The following KDM3A variants were observed in gnomAD, a reference collection of about 807,000 sequenced individuals.
KDM3A encodes lysine-specific demethylase 3A.
A neutral mutation model predicts 158.0 loss-of-function variants in KDM3A; 60 were observed. That is an observed-to-expected ratio of 0.38 (90% CI 0.31 to 0.47). The LOEUF (loss-of-function observed/expected upper bound fraction) is 0.47, where lower values mean the gene tolerates loss of function less well. Ranked by LOEUF, KDM3A falls within the 20% of genes least tolerant of loss-of-function variation. The pLI, the probability that KDM3A is intolerant of heterozygous loss-of-function variation, is 0.99. For synonymous variants in KDM3A, 608 were observed against 549.3 expected (o/e 1.11, Z -1.49); for missense variants, 1,319 against 1,574.3 (o/e 0.84, Z 2.74).
chr2:86,482,102 G>T lies in KDM3A; in HGVS notation c.2685G>T (p.Lys895Asn). The change falls in exon 17 of 26, where the codon AAG becomes AAT. Residue 895 changes from lysine (K) to asparagine (N), a missense_variant and splice_region_variant. Around this residue, in one of 4 missense-constraint regions of KDM3A, gnomAD observed 368 missense variants for 415.8 expected, o/e 0.89. Coordinates refer to ENST00000312912, the MANE Select transcript of KDM3A (RefSeq NM_018433.6). ...LRNLLNSSTG[K>N]TENGLKNTPK... ...ATCTCTTGAATTCTTCTACAGGAAAGGTATGTGTTTGTTTGTTGGTATTCC... is the reference window on the plus strand; with the variant it reads ...ATCTCTTGAATTCTTCTACAGGAAATGTATGTGTTTGTTTGTTGGTATTCC... The T allele has an allele frequency of 6.2e-7, 1 of 1,612,718 alleles. No individual in the cohort carries two copies. Among genetic ancestry groups the T allele is most frequent in the Non-Finnish European group, 8.5e-7 (1 of 1,179,280 alleles).
At chr2:86,478,794 A>G in intron 15 of KDM3A, 59 bp downstream of exon 15, 1 of 1,547,340 alleles carries the variant, frequency 6.5e-7, no homozygotes, top group East Asian at 2.2e-5. Flanking sequence ...TCTGTTTTTC[A>G]AATAACCCAA....
At chr2:86,462,513 GATTAGGAAACTCAAAAA>G (rs1021952239) in intron 8 of KDM3A, among the ~76,000 whole-genome samples, 22 of 152,200 alleles carry the variant, frequency 1.4e-4, no homozygotes, top group Admixed American at 1.3e-3. Flanking sequence ...TCATTTAAAG[GATTAGGAAACTCAAAAA>G]ACACCCAAAA....
Position 86,492,179 on chromosome 2 carries a change from C to T in KDM3A, c.*60C>T. On this transcript the variant is annotated 3_prime_UTR_variant, in exon 26 of 26. Transcript: ENST00000312912. The stretch of plus-strand genomic sequence containing the variant: ...TGTTCAAACTCTTCAGGCAGGATTC[C>T]TGTGGACTTTGAGATTCATGTTACC... 1 of 1,276,750 alleles carries T rather than the reference C, an allele frequency of 7.8e-7. No individual in the cohort carries two copies. The highest frequency in any genetic ancestry group is 1.1e-6 in the Non-Finnish European group (1 of 881,180). 79.1% of individuals were successfully genotyped at this position (1,276,750 alleles called of 1,614,324 possible).
chr2:86,491,457 C>T, intron 25 of KDM3A, 182 bp downstream of exon 25: 1 of 613,158 alleles, frequency 1.6e-6, no homozygotes, highest in South Asian at 2.1e-5. Flanking sequence ...AAGAGGAAAT[C>T]TCACCTTGGT....
At chr2:86,437,056 T>C (rs1396514012), upstream of KDM3A, among the ~76,000 whole-genome samples, 2 of 152,204 alleles carry the variant, frequency 1.3e-5, no homozygotes, top group African/African-American at 4.8e-5. Flanking sequence ...AAATATTTTA[T>C]TGGATTTTAA....
chr2:86,455,253 GT>G, intron 5 of KDM3A, 66 bp downstream of exon 5: 1 of 857,956 alleles, frequency 1.2e-6, no homozygotes, highest in Non-Finnish European at 1.8e-6. Flanking sequence ...AGAAACTAGG[GT>G]TTAGCCTCTC....
intron 10 of KDM3A, among the ~76,000 whole-genome samples, chr2:86,468,629 C>T (rs79250661): frequency 0.031 from 4,763 of 151,882 alleles, 129 homozygotes; most frequent in East Asian, 0.062. Context: ...AGAGTGTGAT[C>T]AGAAGCCTAC....
intron 2 of KDM3A, 111 bp downstream of exon 2, chr2:86,442,344 A>G: frequency 9.7e-7 from 1 of 1,032,794 alleles, no homozygotes; most frequent in Non-Finnish European, 1.4e-6. Flanking sequence ...AAGTTGGCAT[A>G]TGATCTGAAG....
rs74676335 is a variant in KDM3A, at chr2:86,478,504, T to A, written c.2189-104T>A. On this transcript the variant is annotated intron_variant, in intron 14 of 25. Coordinates refer to ENST00000312912, the MANE Select transcript of KDM3A (RefSeq NM_018433.6). ...CTGGAGCAGGATGAAAAGGAGGGAG[T>A]GGGAAAAGTAATCCTGTGGGGAATG... The A allele has an allele frequency of 2.7e-3, 3,505 of 1,301,412 alleles. 117 individuals carry two copies. In the East Asian group the frequency reaches 0.068, roughly 25 times the overall value. 80.6% of individuals were successfully genotyped at this position (1,301,412 alleles called of 1,614,324 possible).
chr2:86,466,613 T>C lies in KDM3A; in HGVS notation c.1249T>C (p.Cys417Arg), dbSNP rs1673162776. Residue 417 changes from cysteine to arginine, a missense_variant, in exon 10 of 26, where the codon TGC becomes CGC. Around this residue, in one of 4 missense-constraint regions of KDM3A, gnomAD observed 652 missense variants for 627.2 expected, o/e 1.04. Coordinates refer to ENST00000312912, the MANE Select transcript of KDM3A (RefSeq NM_018433.6). ...AGCATTGACTGGCCTTCCTAAGGAG[T>C]GCTTACCTACAAAGGCTTCTTCTAA... ...PQALTGLPKE[C>R]LPTKASSKAE... 3 of 1,613,816 alleles carry C rather than the reference T, an allele frequency of 1.9e-6. No homozygotes were observed. Among genetic ancestry groups the C allele is most frequent in the Non-Finnish European group, 2.5e-6 (3 of 1,179,876 alleles).
upstream of KDM3A, among the ~76,000 whole-genome samples, chr2:86,438,666 TTTATAAAAAATTAGA>T (rs1194790187): frequency 2.0e-5 from 3 of 152,164 alleles, no homozygotes; most frequent in African/African-American, 7.2e-5. Flanking sequence ...AAAAAGTGTA[TTTATAAAAAATTAGA>T]ATTACAAATA....
At chr2:86,459,562 A>T (rs142575369) in intron 8 of KDM3A, among the ~76,000 whole-genome samples, 10 of 152,218 alleles carry the variant, frequency 6.6e-5, no homozygotes, top group African/African-American at 2.2e-4. Context: ...GGAGCGATCA[A>T]TCTGGGGTGC....
At chr2:86,473,933 C>T (rs998539463) in intron 11 of KDM3A, among the ~76,000 whole-genome samples, 15 of 152,174 alleles carry the variant, frequency 9.9e-5, no homozygotes, top group Non-Finnish European at 1.6e-4. Flanking sequence ...TGGACGGTAA[C>T]GTGCAGCTGG....
intron 7 of KDM3A, 37 bp downstream of exon 7, chr2:86,456,914 CCTT>C (rs770810256): frequency 2.5e-6 from 4 of 1,573,130 alleles, no homozygotes; most frequent in South Asian, 1.1e-5. Context: ...TCTCCTTCCT[CCTT>C]TCCTCCGTTC....
At chr2:86,457,747 A>G (rs891354556) in intron 8 of KDM3A, among the ~76,000 whole-genome samples, 2 of 152,146 alleles carry the variant, frequency 1.3e-5, no homozygotes, top group Non-Finnish European at 2.9e-5. Context: ...TCTCAATAAT[A>G]AGGAATTTAA....
Position 86,464,121 on chromosome 2 carries a change from T to C in KDM3A, c.912T>C (p.Cys304=), listed in dbSNP as rs770816854. The C allele has an allele frequency of 6.2e-7, 1 of 1,612,772 alleles. No individual in the cohort carries two copies. Among genetic ancestry groups the C allele is most frequent in the Admixed American group, 1.7e-5 (1 of 59,932 alleles). The change falls in exon 9 of 26, where the codon TGT becomes TGC. Residue 304 remains cysteine (C), a synonymous_variant. Coordinates refer to ENST00000312912, the MANE Select transcript of KDM3A (RefSeq NM_018433.6). The part of the protein sequence containing the change: ...TTVFKEILLG[C]TAATPPSKDP... Reference sequence around the variant, plus strand: ...TTTTTAAGGAGATACTGCTTGGCTGTACTGCGGCAACTCCACCTAGTAAGG... The same window carrying C: ...TTTTTAAGGAGATACTGCTTGGCTGCACTGCGGCAACTCCACCTAGTAAGG...
At position 86,466,867 on chromosome 2, in the gene KDM3A, C is replaced by G. The variant is rs768521539; in HGVS notation, c.1503C>G (p.Asn501Lys). The G allele has an allele frequency of 6.2e-7, 1 of 1,600,614 alleles. No homozygotes were observed. The highest frequency in any genetic ancestry group is 8.5e-7 in the Non-Finnish European group (1 of 1,174,392). ...ATGAAAGCTGTTGTTCAAGAAGCAA[C>G]AATAAAATCCAGAATGGTGAGTGTT... ...VDNESCCSRS[N>K]NKIQNAPSRK... Residue 501 changes from asparagine (N) to lysine (K), a missense_variant, in exon 10 of 26, where the codon AAC becomes AAG. By Grantham distance (94) the Asn-to-Lys change is moderately conservative (BLOSUM62 0). Coordinates refer to ENST00000312912, the MANE Select transcript of KDM3A (RefSeq NM_018433.6).
At chr2:86,443,801 A>G (rs1682842928) in intron 2 of KDM3A, among the ~76,000 whole-genome samples, 1 of 152,070 alleles carries the variant, frequency 6.6e-6, no homozygotes, top group African/African-American at 2.4e-5. Context: ...ATGTTTATAG[A>G]GATAATATAT....
At chr2:86,467,857 CA>C (rs1251335303) in intron 10 of KDM3A, among the ~76,000 whole-genome samples, 14 of 151,992 alleles carry the variant, frequency 9.2e-5, no homozygotes, top group Admixed American at 7.9e-4. Context: ...CCCATCTCCA[CA>C]AAAAATTTTT....
Sources: allele counts gnomAD v4.1 joint callset (sites outside exome capture counted in the v4.1 genomes callset), GRCh38; gene constraint gnomAD v4.1.1; regional missense constraint gnomAD v4.1.1; transcripts MANE v1.5; gene names NCBI Gene and HGNC (gene_info 2026-07-23, HGNC 2026-07-21).